Variants in RBM6 observed in about 807,000 individuals in gnomAD.
RBM6 encodes the protein RNA-binding protein 6.
RBM6 carries 23 observed loss-of-function variants against 140.4 expected under a neutral mutation model. The ratio of observed to expected loss-of-function variants is 0.16; its 90% confidence interval spans 0.12 to 0.23. The LOEUF (loss-of-function observed/expected upper bound fraction) is 0.23, where lower values mean the gene tolerates loss of function less well. RBM6 is among the 10% of genes least tolerant of loss of function. The pLI, the probability that RBM6 is intolerant of heterozygous loss-of-function variation, is 1.00. For missense variants in RBM6, 1,139 were observed against 1,386.7 expected (o/e 0.82, Z 2.84); for synonymous variants, 439 against 475.6 (o/e 0.92, Z 1.00).
intron 8 of RBM6, among the ~76,000 whole-genome samples, chr3:50,055,930 T>G (rs1398277947): frequency 6.6e-6 from 1 of 152,216 alleles, no homozygotes; most frequent in Non-Finnish European, 1.5e-5. Flanking sequence ...ACAACAGTCC[T>G]GTAGTCATCC....
chr3:50,009,893 T>G (rs2086762430), intron 6 of RBM6, among the ~76,000 whole-genome samples: 1 of 152,020 alleles, frequency 6.6e-6, no homozygotes, highest in South Asian at 2.1e-4. Flanking sequence ...TTATTTTTAT[T>G]TATTTATTTT....
Position 50,065,054 on chromosome 3 carries a change from G to A in RBM6, c.2610G>A (p.Gly870=). ...AGTTTCAGGAAAATGCCAGTGAAGG[G>A]AAGGCCCCTGCAGAAGACGTCTTTA... ...VTRFQENASE[G]KAPAEDVFKK... The change falls in exon 16 of 21, where the codon GGG becomes GGA. Residue 870 remains glycine, a synonymous_variant. Transcript: ENST00000266022. 1 of 1,613,778 alleles carries A rather than the reference G, an allele frequency of 6.2e-7. No homozygotes were observed. The highest frequency in any genetic ancestry group is 8.5e-7 in the Non-Finnish European group (1 of 1,179,744).
At chr3:49,981,210 C>T (rs1046939833) in intron 5 of RBM6, among the ~76,000 whole-genome samples, 2 of 152,106 alleles carry the variant, frequency 1.3e-5, no homozygotes, top group African/African-American at 4.8e-5. Flanking sequence ...TATATTTTAT[C>T]TTTAAATGAT....
At chr3:50,075,111 G>C (rs189416710) in intron 19 of RBM6, 90 bp from the exon 20 acceptor site, 351 of 1,457,638 alleles carry the variant, frequency 2.4e-4, no homozygotes, top group Admixed American at 4.0e-4. Flanking sequence ...AGCTGAGTTC[G>C]AGCCATTGCA....
In RBM6 at chr3:50,016,564, C is replaced by T. The variant is rs373130814; in HGVS notation, c.1557+17051C>T. On this transcript the variant is annotated intron_variant, in intron 6 of 20. Transcript: ENST00000266022. ...AAAATATCTGTACTAATTTACATTC[C>T]CACAGTGTAAAGGGTTCCCTTTTCT... 1.2e-4 allele frequency among the ~76,000 whole-genome samples: 18 copies of T among 152,110 alleles called. No individual in the cohort carries two copies. In the East Asian group the frequency reaches 2.3e-3, roughly 20 times the overall value.
intron 1 of RBM6, among the ~76,000 whole-genome samples, chr3:49,946,088 G>T (rs2083473942): frequency 6.6e-6 from 1 of 151,930 alleles, no homozygotes; most frequent in East Asian, 1.9e-4. Flanking sequence ...CTTGATCTTG[G>T]ACTCCCAGCC....
intron 5 of RBM6, chr3:49,981,471 TA>T (rs1300992708): frequency 6.6e-6 from 1 of 152,236 alleles, no homozygotes; most frequent in African/African-American, 2.4e-5. Flanking sequence ...TGGCAGTAGA[TA>T]AAGTGTTTGT....
intron 6 of RBM6, among the ~76,000 whole-genome samples, chr3:50,012,260 G>T (rs1242351787): frequency 6.6e-6 from 1 of 151,796 alleles, no homozygotes; most frequent in Non-Finnish European, 1.5e-5. Flanking sequence ...TATTGCCAAG[G>T]TGGTCTTGAA....
intron 8 of RBM6, among the ~76,000 whole-genome samples, chr3:50,055,940 C>T (rs1366510414): frequency 2.6e-5 from 4 of 152,108 alleles, no homozygotes; most frequent in Admixed American, 2.6e-4. Context: ...TGTAGTCATC[C>T]CTTAAGGAAA....
Position 50,061,560 on chromosome 3 carries a change from CTTTTT to C in RBM6, c.2439+33_2439+37del, listed in dbSNP as rs10663019. ...CCCCAATACCCAGGTGAGTTTGGGG[CTTTTT>C]TTTTTTTTTTTTTTTTTTTACCTCT... is the stretch of plus-strand genomic sequence containing the variant. On this transcript the variant is annotated intron_variant, in intron 14 of 20. Coordinates refer to ENST00000266022, the MANE Select transcript of RBM6 (RefSeq NM_005777.3). 4.4e-3 allele frequency: 5,530 copies of C among 1,257,396 alleles called. No homozygotes were observed. The highest frequency in any genetic ancestry group is 0.012 in the Admixed American group (253 of 20,996). The allele number at this position is 1,257,396 out of a possible 1,614,324, so 77.9% of individuals were successfully genotyped here.
At chr3:50,016,306 T>C (rs2087143130) in intron 6 of RBM6, among the ~76,000 whole-genome samples, 1 of 152,240 alleles carries the variant, frequency 6.6e-6, no homozygotes, top group South Asian at 2.1e-4. Flanking sequence ...TAGTATTTCA[T>C]TGTGCTTACA....
chr3:50,014,773 T>C (rs1053298155), intron 6 of RBM6, among the ~76,000 whole-genome samples: 4 of 152,182 alleles, frequency 2.6e-5, no homozygotes, highest in African/African-American at 9.7e-5. Context: ...GGGAATCACA[T>C]TGGAAATATC....
At chr3:50,073,748 G>C (rs1380240038) in intron 19 of RBM6, among the ~76,000 whole-genome samples, 1 of 152,124 alleles carries the variant, frequency 6.6e-6, no homozygotes, top group African/African-American at 2.4e-5. Flanking sequence ...CTTGCCTACA[G>C]GGAGGCCTGA....
chr3:49,962,009 T>A (rs949033242), intron 1 of RBM6, among the ~76,000 whole-genome samples: 2 of 151,168 alleles, frequency 1.3e-5, no homozygotes, highest in African/African-American at 4.9e-5. Flanking sequence ...ACAAAAAAAT[T>A]AGCTGGGCGG....
intron 1 of RBM6, among the ~76,000 whole-genome samples, chr3:49,958,782 C>CTTT (rs35853185): frequency 5.7e-4 from 65 of 114,362 alleles, no homozygotes; most frequent in Non-Finnish European, 9.0e-4. Context: ...TGAAGAATTC[C>CTTT]TTTTTTTTTT....
At chr3:49,996,318 T>C (rs1262231401) in intron 5 of RBM6, among the ~76,000 whole-genome samples, 2 of 152,206 alleles carry the variant, frequency 1.3e-5, no homozygotes, top group Non-Finnish European at 2.9e-5. Context: ...AAAGATGGTA[T>C]GTTGTTCTTC....
At chr3:49,997,383 A>G (rs1411703784) in intron 5 of RBM6, among the ~76,000 whole-genome samples, 1 of 152,160 alleles carries the variant, frequency 6.6e-6, no homozygotes, top group Non-Finnish European at 1.5e-5. Context: ...CCCAATGTCT[A>G]CTTGTCCTTT....
At chr3:49,987,623 G>T (rs962696395) in intron 5 of RBM6, among the ~76,000 whole-genome samples, 1 of 151,534 alleles carries the variant, frequency 6.6e-6, no homozygotes, top group African/African-American at 2.4e-5. Context: ...GGCTGAGTTT[G>T]TAAATTTCTT....
chr3:49,961,969 A>C (rs1215143394), intron 1 of RBM6, among the ~76,000 whole-genome samples: 3 of 150,906 alleles, frequency 2.0e-5, no homozygotes, highest in Admixed American at 6.6e-5. Flanking sequence ...CAGCCTGGGT[A>C]ACACAGTGAA....
Sources: allele counts gnomAD v4.1 joint callset (sites outside exome capture counted in the v4.1 genomes callset), GRCh38; gene constraint gnomAD v4.1.1; transcripts MANE v1.5; gene names NCBI Gene and HGNC (gene_info 2026-07-23, HGNC 2026-07-21).